ACIN1: variants seen among roughly 807,000 people sequenced by gnomAD.
ACIN1 encodes apoptotic chromatin condensation inducer 1.
In ACIN1, 16 loss-of-function variants were observed where a neutral mutation model predicts 146.6. The ratio of observed to expected loss-of-function variants is 0.11; its 90% confidence interval spans 0.07 to 0.17. ACIN1 has a LOEUF of 0.17. Among genes scored for constraint, ACIN1 ranks in the 10% least tolerant of loss-of-function variants. The pLI is 1.00. For synonymous variants in ACIN1, 569 were observed against 582.7 expected, an observed-to-expected ratio of 0.98 and a Z score of 0.34; for missense variants, 1,357 against 1,609.3, an observed-to-expected ratio of 0.84 and a Z score of 2.68.
At position 23,062,437 on chromosome 14, in the gene ACIN1, G is replaced by A; in HGVS notation, c.2970C>T (p.Ile990=). 1 of 1,614,150 alleles carries A rather than the reference G, an allele frequency of 6.2e-7. No individual in the cohort carries two copies. Among genetic ancestry groups the A allele is most frequent in the Non-Finnish European group, 8.5e-7 (1 of 1,180,018 alleles). ...TCACCGTTACAAAGCAATGAGATTT[G>A]ATCTTGTCAATCCAGAAGGCCTCTT... ...LVEEAFWIDK[I]KSHCFVTYST... Residue 990 remains isoleucine (I), a synonymous_variant, in exon 15 of 19, where the codon ATC becomes ATT. Coordinates refer to ENST00000605057, the MANE Select transcript of ACIN1 (RefSeq NM_001386863.1).
rs11378976 is a variant in ACIN1, at chr14:23,082,437, ATTTTT to A, written c.437-606_437-602del. 9.4e-5 allele frequency among the ~76,000 whole-genome samples: 9 copies of A among 95,812 alleles called. No homozygotes were observed. The South Asian group carries it at 1.6e-3, about 17-fold the overall frequency. 62.9% of individuals were successfully genotyped at this position (95,812 alleles called of 152,430 possible). ...TAGGTTTTATGTATTAGAGCTCAATATTTTTTTTTTTTTTTTTTTTTTTTCTGAGA... is the reference window on the plus strand; with the variant it reads ...TAGGTTTTATGTATTAGAGCTCAATATTTTTTTTTTTTTTTTTTTCTGAGA... On this transcript the variant is annotated intron_variant, in intron 4 of 18. Transcript: ENST00000605057.
Position 23,080,070 on chromosome 14 carries a change from A to G in ACIN1, c.1265T>C (p.Leu422Ser), listed in dbSNP as rs781778577. 1 of 1,614,172 alleles carries G rather than the reference A, an allele frequency of 6.2e-7. No homozygotes were observed. The highest frequency in any genetic ancestry group is 8.5e-7 in the Non-Finnish European group (1 of 1,180,028). ...TVQLVGGLSP[L>S]SSPSDTKAES... ...TGCTTTGGTGTCTGAAGGACTTGAC[A>G]AAGGAGACAGGCCTCCTACCAACTG... The change falls in exon 6 of 19, where the codon TTG (leucine) becomes TCG (serine). Residue 422 changes from leucine to serine, a missense_variant. By Grantham distance (145) the Leu-to-Ser change is moderately radical. Coordinates refer to ENST00000605057, the MANE Select transcript of ACIN1 (RefSeq NM_001386863.1).
intron 4 of ACIN1, among the ~76,000 whole-genome samples, chr14:23,082,275 A>G (rs959455677): frequency 1.3e-5 from 2 of 152,278 alleles, no homozygotes; most frequent in Non-Finnish European, 1.5e-5. Flanking sequence ...CAACCAAAAT[A>G]TTATGATGAA....
At chr14:23,064,297 A>T in intron 11 of ACIN1, 40 bp from the exon 12 acceptor site, 2 of 1,613,934 alleles carry the variant, frequency 1.2e-6, no homozygotes, top group Non-Finnish European at 8.5e-7. Context: ...CACTGGGCCC[A>T]TGTCTACTCC....
Position 23,080,448 on chromosome 14 carries a change from C to A in ACIN1, c.887G>T (p.Arg296Ile). ...QEEARKSHLARQQQEKEMKTT... is the reference protein window; with the variant it reads ...QEEARKSHLAIQQQEKEMKTT... The stretch of plus-strand genomic sequence containing the variant: ...TTTCATTTCCTTCTCCTGCTGCTGT[C>A]TGGCCAGATGACTTTTTCTAGCCTC... The change falls in exon 6 of 19, where the codon AGA becomes ATA. Residue 296 changes from arginine to isoleucine, a missense_variant. Arg to Ile is a moderately conservative substitution (Grantham distance 97). This residue lies in a region of ACIN1 where 771 missense variants were observed against 746.6 expected (regional missense o/e 1.03). Coordinates refer to ENST00000605057, the MANE Select transcript of ACIN1 (RefSeq NM_001386863.1). 6.2e-7 allele frequency: 1 copy of A among 1,614,194 alleles called. No homozygotes were observed. Among genetic ancestry groups the A allele is most frequent in the Non-Finnish European group, 8.5e-7 (1 of 1,180,032 alleles).
rs75576384 is a variant in ACIN1, at chr14:23,076,993, C to T, written c.2123+1158G>A. The stretch of plus-strand genomic sequence containing the variant: ...AAAATTTCAAAGGAAGTAGAGTGAA[C>T]TTTTGGCTGCCAAACAAAAAATGTT... On this transcript the variant is annotated intron_variant, in intron 8 of 18. Transcript: ENST00000605057. Among the ~76,000 whole-genome samples the T allele has an allele frequency of 4.7e-3, 710 of 152,302 alleles. 6 individuals are homozygous for T. Among genetic ancestry groups the T allele is most frequent in the African/African-American group, 0.016 (680 of 41,566 alleles).
In ACIN1 at chr14:23,095,120, G is replaced by C; in HGVS notation, c.-8C>G. 6.2e-7 allele frequency: 1 copy of C among 1,614,250 alleles called. No individual in the cohort carries two copies. The highest frequency in any genetic ancestry group is 8.5e-7 in the Non-Finnish European group (1 of 1,180,048). ...CTCCTCCAGCTCCGCCATCTTGCGT[G>C]AGGTACTCGGGTCCGTCCCGACGGC... On this transcript the variant is annotated 5_prime_UTR_variant, in exon 1 of 19. Coordinates refer to ENST00000605057, the MANE Select transcript of ACIN1 (RefSeq NM_001386863.1).
At chr14:23,087,313 G>C (rs1484254936) in intron 4 of ACIN1, among the ~76,000 whole-genome samples, 2 of 152,076 alleles carry the variant, frequency 1.3e-5, no homozygotes, top group Non-Finnish European at 2.9e-5. Flanking sequence ...ATCTATAATG[G>C]GATTCTTATC....
At chr14:23,093,784 G>T (rs926332627) in intron 1 of ACIN1, among the ~76,000 whole-genome samples, 3 of 152,194 alleles carry the variant, frequency 2.0e-5, no homozygotes, top group Admixed American at 1.3e-4. Context: ...CAGGCACACA[G>T]AATCAGTGAC....
chr14:23,061,711 C>T lies in ACIN1; in HGVS notation c.3100-89G>A, dbSNP rs999321981. On this transcript the variant is annotated intron_variant, in intron 16 of 18. Coordinates refer to ENST00000605057, the MANE Select transcript of ACIN1 (RefSeq NM_001386863.1). ...CAGGATGGCCGGGCGCGGTGGCTCA[C>T]GCCTGTAATCCCAGCACTTTGGGAG... 4.6e-5 allele frequency: 56 copies of T among 1,212,040 alleles called. No individual in the cohort carries two copies. The East Asian group carries it at 6.4e-4, about 14-fold the overall frequency. 75.1% of individuals were successfully genotyped at this position (1,212,040 alleles called of 1,614,324 possible).
intron 14 of ACIN1, 114 bp downstream of exon 14, chr14:23,062,815 G>A (rs112546984): frequency 4.0e-6 from 5 of 1,236,718 alleles, no homozygotes; most frequent in African/African-American, 1.5e-5. Context: ...AGATCAGTGA[G>A]TAACTTAATC....
chr14:23,085,353 G>GAACAAC lies in ACIN1; in HGVS notation c.437-3523_437-3518dup, dbSNP rs201855965. Among the ~76,000 whole-genome samples, 1,402 of 152,046 alleles carry GAACAAC rather than the reference G, an allele frequency of 9.2e-3. 33 individuals are homozygous for GAACAAC. The highest frequency in any genetic ancestry group is 0.064 in the East Asian group (333 of 5,180). On this transcript the variant is annotated intron_variant, in intron 4 of 18. Coordinates refer to ENST00000605057, the MANE Select transcript of ACIN1 (RefSeq NM_001386863.1). ...CCATCTCAAAAAACAACAACAACAAGAACAACAACAACAAAGTCAAATAAC... is the reference window on the plus strand; with the variant it reads ...CCATCTCAAAAAACAACAACAACAAGAACAACAACAACAACAACAAAGTCAAATAAC...
intron 18 of ACIN1, 33 bp from the exon 19 acceptor site, chr14:23,059,507 A>G: frequency 6.4e-7 from 1 of 1,570,818 alleles, no homozygotes; most frequent in Admixed American, 1.7e-5. Context: ...GAGAATAGGC[A>G]GCTCAGTCCT....
chr14:23,068,317 G>A lies in ACIN1; in HGVS notation c.2265+1159C>T. 1 of 985,942 alleles carries A rather than the reference G, an allele frequency of 1.0e-6. No homozygotes were observed. Among genetic ancestry groups the A allele is most frequent in the Non-Finnish European group, 1.2e-6 (1 of 829,976 alleles). 61.1% of individuals were successfully genotyped at this position (985,942 alleles called of 1,614,324 possible). ...CAAGGCAACCCACAGTCCTCAAAAG[G>A]GCAAGGGCATGTGGGCAGGCGCCCC... On this transcript the variant is annotated intron_variant, in intron 9 of 18. Transcript: ENST00000605057. This position sits in a 1 kb window ranked among gnomAD's most constrained non-coding sequence, Gnocchi z 4.3.
At chr14:23,066,194 A>C (rs2047451126) in intron 9 of ACIN1, 186 bp from the exon 10 acceptor site, 1 of 551,300 alleles carries the variant, frequency 1.8e-6, no homozygotes, top group Admixed American at 3.4e-5. Context: ...GCAAAAACGA[A>C]GCAGAATCAA....
chr14:23,062,140 C>G, intron 16 of ACIN1, 28 bp downstream of exon 16: 33 of 1,535,690 alleles, frequency 2.1e-5, no homozygotes, highest in Non-Finnish European at 2.8e-5. Flanking sequence ...CCTGCCCCTC[C>G]TCTCTTTCCT....
intron 2 of ACIN1, 59 bp downstream of exon 2, chr14:23,093,420 C>T: frequency 6.7e-7 from 1 of 1,501,668 alleles, no homozygotes; most frequent in Middle Eastern, 1.7e-4. Flanking sequence ...AACACCACGT[C>T]CTTCCATGTG....
chr14:23,071,154 T>C, intron 8 of ACIN1: 2 of 1,551,570 alleles, frequency 1.3e-6, no homozygotes, highest in Non-Finnish European at 1.7e-6. Context: ...ACATGATTTT[T>C]TTTCTCCCCC....
At chr14:23,095,140 G>C (rs377331801), upstream of ACIN1, 2 of 1,614,076 alleles carry the variant, frequency 1.2e-6, no homozygotes, top group African/African-American at 2.7e-5. Context: ...GGTCCGTCCC[G>C]ACGGCTTCGG....
Sources: gnomAD v4.1 joint callset for allele counts (sites outside exome capture counted in the v4.1 genomes callset) on GRCh38, gnomAD v4.1.1 for gene constraint, gnomAD v4.1.1 regional missense constraint, Gnocchi (gnomAD v3.1) non-coding constraint, MANE v1.5 for transcripts, NCBI Gene and HGNC (gene_info 2026-07-23, HGNC 2026-07-21) for gene names.